The following ARID1B variants were observed in gnomAD, a reference collection of about 807,000 sequenced individuals.
ARID1B encodes AT-rich interactive domain-containing protein 1B.
A neutral mutation model predicts 212.3 loss-of-function variants in ARID1B; 30 were observed. The observed-to-expected ratio is 0.14, with a 90% CI of 0.11 to 0.19. ARID1B has a LOEUF of 0.19. ARID1B is among the 10% of genes least tolerant of loss of function. The pLI, the probability that ARID1B is intolerant of heterozygous loss-of-function variation, is 1.00. For synonymous variants in ARID1B, 1,402 were observed against 1,301.7 expected, an observed-to-expected ratio of 1.08 and a Z score of -1.66; for missense variants, 2,891 against 3,204.0, an observed-to-expected ratio of 0.90 and a Z score of 2.36.
chr6:157,174,513 T>A (rs1225342353), intron 10 of ARID1B, among the ~76,000 whole-genome samples: 1 of 151,956 alleles, frequency 6.6e-6, no homozygotes, highest in Non-Finnish European at 1.5e-5. Flanking sequence ...CCTGCCTTAT[T>A]TGATAAATAA....
intron 15 of ARID1B, among the ~76,000 whole-genome samples, chr6:157,193,310 G>A (rs1015148938): frequency 6.6e-6 from 1 of 152,138 alleles, no homozygotes; most frequent in Non-Finnish European, 1.5e-5. Context: ...TTGTAAGAAT[G>A]TTTCTGCGAA....
intron 4 of ARID1B, among the ~76,000 whole-genome samples, chr6:156,972,104 G>A (rs1207813731): frequency 6.6e-6 from 1 of 152,132 alleles, no homozygotes; most frequent in African/African-American, 2.4e-5. Context: ...TTTAAAAATG[G>A]TATAATACAT....
intron 4 of ARID1B, among the ~76,000 whole-genome samples, chr6:156,959,710 C>A (rs1446527604): frequency 6.6e-6 from 1 of 151,990 alleles, no homozygotes; most frequent in Non-Finnish European, 1.5e-5. Flanking sequence ...AGTCAGAGTC[C>A]TTTTTAAATA....
At chr6:157,096,812 C>T (rs1785667421) in intron 5 of ARID1B, among the ~76,000 whole-genome samples, 1 of 152,218 alleles carries the variant, frequency 6.6e-6, no homozygotes, top group South Asian at 2.1e-4. Flanking sequence ...AAAAAGGAGT[C>T]TGGTTATTGA....
intron 15 of ARID1B, chr6:157,193,970 G>A (rs1034926293): frequency 3.3e-5 from 5 of 152,178 alleles, no homozygotes; most frequent in African/African-American, 1.2e-4. Flanking sequence ...AGAGTGTGCG[G>A]GTTCTCACCC....
At chr6:156,926,916 G>A (rs186902467) in intron 3 of ARID1B, among the ~76,000 whole-genome samples, 1 of 152,204 alleles carries the variant, frequency 6.6e-6, no homozygotes, top group Admixed American at 6.5e-5. Context: ...TCCTGACGCC[G>A]TGATCCGCCT....
intron 1 of ARID1B, among the ~76,000 whole-genome samples, chr6:156,818,123 T>TTTTTTTTA: frequency 6.7e-6 from 1 of 148,916 alleles, no homozygotes; most frequent in Non-Finnish European, 1.5e-5. Flanking sequence ...TTTTTTTTTT[T>TTTTTTTTA]TAGAATATAA....
At chr6:157,110,422 AT>A in intron 5 of ARID1B, 49 bp from the exon 6 acceptor site, 4 of 1,550,464 alleles carry the variant, frequency 2.6e-6, no homozygotes, top group Non-Finnish European at 3.6e-6. Context: ...TGACTGCATT[AT>A]TAATGCAAAG....
At chr6:156,928,504 T>G (rs995876120) in intron 3 of ARID1B, among the ~76,000 whole-genome samples, 1 of 152,158 alleles carries the variant, frequency 6.6e-6, no homozygotes, top group Non-Finnish European at 1.5e-5. Context: ...CTTGACCCGA[T>G]GAGTGCAAGG....
intron 4 of ARID1B, among the ~76,000 whole-genome samples, chr6:156,983,256 T>C (rs1777723218): frequency 6.8e-6 from 1 of 146,608 alleles, no homozygotes; most frequent in Non-Finnish European, 1.5e-5. Context: ...TTAGCCAGGC[T>C]TGGTGGCAGG....
At position 157,115,081 on chromosome 6, in the gene ARID1B, C is replaced by G. The variant is rs1179981062; in HGVS notation, c.2581+4520C>G. Among the ~76,000 whole-genome samples the G allele has an allele frequency of 3.9e-5, 6 of 152,292 alleles. No homozygotes were observed. The South Asian group carries it at 6.2e-4, about 16-fold the overall frequency. The stretch of plus-strand genomic sequence containing the variant: ...GTGCCCAGCTTTCCTGACAGCAGTC[C>G]TTTGTAAACCTGCAGTCCCCGTCCC... On this transcript the variant is annotated intron_variant, in intron 6 of 19. Coordinates refer to ENST00000636930, the MANE Select transcript of ARID1B (RefSeq NM_001374828.1).
chr6:157,151,637 G>A (rs1790204218), intron 8 of ARID1B: 2 of 152,128 alleles, frequency 1.3e-5, no homozygotes, highest in African/African-American at 4.8e-5. Context: ...CCATGTTTAG[G>A]TTAGTAAATG....
intron 4 of ARID1B, among the ~76,000 whole-genome samples, chr6:157,015,089 G>A (rs193136680): frequency 2.6e-4 from 40 of 152,286 alleles, no homozygotes; most frequent in Admixed American, 5.9e-4. Context: ...TTCACACAAT[G>A]CCCTGCACGT....
At chr6:157,081,376 A>G (rs1784621788) in intron 4 of ARID1B, among the ~76,000 whole-genome samples, 1 of 152,206 alleles carries the variant, frequency 6.6e-6, no homozygotes, top group African/African-American at 2.4e-5. Flanking sequence ...TACTTAAACC[A>G]CTGTTGAACT....
chr6:157,070,546 G>A (rs191933402), intron 4 of ARID1B, among the ~76,000 whole-genome samples: 50 of 152,216 alleles, frequency 3.3e-4, no homozygotes, highest in Admixed American at 1.8e-3. Context: ...GCTCAGCATC[G>A]TTTCCTGCCC....
chr6:157,147,208 G>A (rs1203124186), intron 7 of ARID1B, among the ~76,000 whole-genome samples: 128 of 104,670 alleles, frequency 1.2e-3, no homozygotes, highest in East Asian at 1.9e-3. Context: ...CCCGCCTCCG[G>A]CCCTGCCCTC....
At chr6:156,957,328 G>T (rs1223808675) in intron 4 of ARID1B, among the ~76,000 whole-genome samples, 1 of 152,174 alleles carries the variant, frequency 6.6e-6, no homozygotes, top group Non-Finnish European at 1.5e-5. Flanking sequence ...TGAGTACCTT[G>T]AAGATCTCTT....
chr6:157,099,867 T>C (rs1192314416), intron 5 of ARID1B, among the ~76,000 whole-genome samples: 1 of 152,192 alleles, frequency 6.6e-6, no homozygotes, highest in Non-Finnish European at 1.5e-5. Flanking sequence ...TCTTGTTCTC[T>C]CAAGTTCGGG....
chr6:157,069,010 A>G (rs17088063), intron 4 of ARID1B, among the ~76,000 whole-genome samples: 2,252 of 152,282 alleles, frequency 0.015, 63 homozygotes, highest in African/African-American at 0.051. Context: ...GCAGTTCCTA[A>G]CAACCAGGCA....
Sources: gnomAD v4.1 joint callset for allele counts (sites outside exome capture counted in the v4.1 genomes callset) on GRCh38, gnomAD v4.1.1 for gene constraint, MANE v1.5 for transcripts, NCBI Gene and HGNC (gene_info 2026-07-23, HGNC 2026-07-21) for gene names.